The following FAM135A variants were observed in gnomAD, a reference collection of about 807,000 sequenced individuals.
FAM135A encodes the protein family with sequence similarity 135 member A.
Under a neutral mutation model 146.8 loss-of-function variants are expected in FAM135A, and 79 were observed. That is an observed-to-expected ratio of 0.54 (90% CI 0.45 to 0.65). The LOEUF (loss-of-function observed/expected upper bound fraction) is 0.65, where lower values mean the gene tolerates loss of function less well. Among genes scored for constraint, FAM135A ranks in the 30% least tolerant of loss-of-function variants. The probability of loss-of-function intolerance (pLI) is 0.00; values close to 1 mark genes in which losing one functional copy is unlikely to be tolerated. For missense variants in FAM135A, 1,623 were observed against 1,758.2 expected, an observed-to-expected ratio of 0.92 and a Z score of 1.38; for synonymous variants, 562 against 603.6, an observed-to-expected ratio of 0.93 and a Z score of 1.01.
intron 5 of FAM135A, among the ~76,000 whole-genome samples, chr6:70,474,968 A>G (rs1007029508): frequency 8.5e-5 from 13 of 152,164 alleles, no homozygotes; most frequent in Non-Finnish European, 1.8e-4. Flanking sequence ...ACTAGGGGCC[A>G]CCAAGGATTT....
chr6:70,541,813 A>G (rs1252505182), intron 20 of FAM135A, among the ~76,000 whole-genome samples: 2 of 152,170 alleles, frequency 1.3e-5, no homozygotes, highest in African/African-American at 2.4e-5. Context: ...TGGATTCCAC[A>G]TCTACTGGAA....
At chr6:70,553,799 T>C (rs1213391768) in intron 20 of FAM135A, among the ~76,000 whole-genome samples, 1 of 152,138 alleles carries the variant, frequency 6.6e-6, no homozygotes, top group Admixed American at 6.5e-5. Context: ...AAATTTATAA[T>C]GGAAGTCATG....
At position 70,477,231 on chromosome 6, in the gene FAM135A, C is replaced by A. The variant is rs2128163839; in HGVS notation, c.441C>A (p.Gly147=). 1.9e-6 allele frequency: 3 copies of A among 1,613,536 alleles called. No individual in the cohort carries two copies. Among genetic ancestry groups the A allele is most frequent in the Middle Eastern group, 1.7e-4 (1 of 6,058 alleles). ...TLKLHFSPHR[G]LHHHVNVMFD... ...AGCTGCACTTTAGCCCCCATAGAGG[C>A]CTTCATCATCATGTTAATGTTATGT... is the stretch of plus-strand genomic sequence containing the variant. Residue 147 remains glycine (G), a synonymous_variant, in exon 8 of 22, where the codon GGC becomes GGA. Transcript: ENST00000418814.
Position 70,525,768 on chromosome 6 carries a change from A to G in FAM135A, c.2684A>G (p.Gln895Arg). The change falls in exon 15 of 22, where the codon CAG (glutamine) becomes CGG (arginine). Residue 895 changes from glutamine to arginine, a missense_variant. Gln to Arg is a conservative substitution (Grantham distance 43). Around this residue, in one of 7 missense-constraint regions of FAM135A, gnomAD observed 1,061 missense variants for 1,113.8 expected, o/e 0.95. Transcript: ENST00000418814. ...AAGTCAAGTATCACTTTGCAACAGC[A>G]GAGTGTTGTATTTTCAGGGAACTTG... is the stretch of plus-strand genomic sequence containing the variant. ...TKKSSITLQQ[Q>R]SVVFSGNLDN... 1 of 1,613,462 alleles carries G rather than the reference A, an allele frequency of 6.2e-7. No individual in the cohort carries two copies. The highest frequency in any genetic ancestry group is 8.5e-7 in the Non-Finnish European group (1 of 1,179,636).
chr6:70,504,136 A>G (rs1050830098), intron 12 of FAM135A: 4 of 152,202 alleles, frequency 2.6e-5, no homozygotes, highest in African/African-American at 7.2e-5. Context: ...AACTCTTGAT[A>G]CTGGCAAGCT....
chr6:70,427,550 AATTAAT>A (rs1173893898), intron 3 of FAM135A, among the ~76,000 whole-genome samples: 1 of 152,070 alleles, frequency 6.6e-6, no homozygotes, highest in Admixed American at 6.5e-5. Context: ...AAAAAAAAAA[AATTAAT>A]ATTGTAAAAC....
chr6:70,525,090 G>A lies in FAM135A; in HGVS notation c.2006G>A (p.Gly669Glu), dbSNP rs1170300698. ...IKPSNKDPFS[G>E]ENITVKLGPW... Reference sequence around the variant, plus strand: ...CCCAGTAATAAAGATCCTTTCAGTGGAGAGAATATAACTGTCAAACTAGGA... The same window carrying A: ...CCCAGTAATAAAGATCCTTTCAGTGAAGAGAATATAACTGTCAAACTAGGA... Residue 669 changes from glycine (G) to glutamate (E), a missense_variant, in exon 15 of 22, where the codon GGA (glycine) becomes GAA (glutamate). Coordinates refer to ENST00000418814, the MANE Select transcript of FAM135A (RefSeq NM_001162529.3). The A allele has an allele frequency of 6.4e-7, 1 of 1,571,830 alleles. No homozygotes were observed. The highest frequency in any genetic ancestry group is 8.6e-7 in the Non-Finnish European group (1 of 1,165,160).
intron 8 of FAM135A, among the ~76,000 whole-genome samples, chr6:70,479,622 G>T (rs1474315489): frequency 1.3e-5 from 2 of 151,926 alleles, no homozygotes; most frequent in African/African-American, 4.8e-5. Context: ...TTGATAAAGG[G>T]GTCATGTCTA....
At chr6:70,547,917 C>T (rs1019187846) in intron 20 of FAM135A, among the ~76,000 whole-genome samples, 2 of 152,126 alleles carry the variant, frequency 1.3e-5, no homozygotes, top group South Asian at 4.1e-4. Flanking sequence ...TAAAGGTAAC[C>T]GTTCAACAAA....
intron 20 of FAM135A, among the ~76,000 whole-genome samples, chr6:70,554,409 G>A (rs1276626417): frequency 2.0e-5 from 3 of 152,204 alleles, no homozygotes; most frequent in Non-Finnish European, 4.4e-5. Context: ...TTTTAGCATT[G>A]TCTAGGTCAT....
intron 5 of FAM135A, among the ~76,000 whole-genome samples, chr6:70,464,288 G>A (rs1779952006): frequency 6.6e-6 from 1 of 152,190 alleles, no homozygotes; most frequent in Admixed American, 6.5e-5. Flanking sequence ...TGTGTTAGCA[G>A]ATAACTGATA....
intron 19 of FAM135A, among the ~76,000 whole-genome samples, chr6:70,536,699 AAC>A (rs1322611491): frequency 2.0e-5 from 3 of 152,040 alleles, no homozygotes; most frequent in Non-Finnish European, 4.4e-5. Flanking sequence ...TTATCTTATA[AAC>A]AGTTTTGTCA....
intron 12 of FAM135A, among the ~76,000 whole-genome samples, chr6:70,508,635 A>C (rs1029061385): frequency 7.9e-5 from 12 of 152,170 alleles, no homozygotes; most frequent in African/African-American, 2.7e-4. Flanking sequence ...AGTCAGACAA[A>C]GTAACAGTTG....
chr6:70,486,558 TG>T (rs1250994203), intron 10 of FAM135A, among the ~76,000 whole-genome samples: 5 of 152,230 alleles, frequency 3.3e-5, no homozygotes, highest in African/African-American at 1.2e-4. Flanking sequence ...TACAATTTGT[TG>T]GTTTAATGAC....
chr6:70,430,249 A>G (rs1339785880), intron 4 of FAM135A, among the ~76,000 whole-genome samples: 1 of 152,026 alleles, frequency 6.6e-6, no homozygotes, highest in African/African-American at 2.4e-5. Context: ...AGGCAGAAGA[A>G]TTGCTTGAAC....
chr6:70,558,404 A>G (rs1445459217), intron 21 of FAM135A, among the ~76,000 whole-genome samples: 1 of 152,252 alleles, frequency 6.6e-6, no homozygotes, highest in Non-Finnish European at 1.5e-5. Flanking sequence ...ATGCATAAGC[A>G]TTGTAAACAA....
Position 70,547,473 on chromosome 6 carries a change from A to G in FAM135A, c.4228+9072A>G, listed in dbSNP as rs572122403. Among the ~76,000 whole-genome samples, 10 of 152,304 alleles carry G rather than the reference A, an allele frequency of 6.6e-5. No individual in the cohort carries two copies. In the East Asian group the frequency reaches 1.9e-3, roughly 29 times the overall value. On this transcript the variant is annotated intron_variant, in intron 20 of 21. Coordinates refer to ENST00000418814, the MANE Select transcript of FAM135A (RefSeq NM_001162529.3). The stretch of plus-strand genomic sequence containing the variant: ...TTTGTTTTCAGGGGTTGTCTTGAAC[A>G]TTGTAGCATGTTTAGCAGTATCTCT...
chr6:70,527,872 C>A (rs1475101864), intron 15 of FAM135A, among the ~76,000 whole-genome samples: 1 of 152,102 alleles, frequency 6.6e-6, no homozygotes, highest in Non-Finnish European at 1.5e-5. Context: ...GTAAATCACT[C>A]CTTCCCTTCC....
chr6:70,528,389 G>A lies in FAM135A; in HGVS notation c.3712G>A (p.Val1238Ile), dbSNP rs777577366. 43 of 1,613,554 alleles carry A rather than the reference G, an allele frequency of 2.7e-5. No homozygotes were observed. The highest frequency in any genetic ancestry group is 3.4e-5 in the Non-Finnish European group (40 of 1,179,788). The change falls in exon 16 of 22, where the codon GTA (valine) becomes ATA (isoleucine). Residue 1238 changes from valine to isoleucine, a missense_variant. Val to Ile is a conservative substitution (Grantham distance 29). Coordinates refer to ENST00000418814, the MANE Select transcript of FAM135A (RefSeq NM_001162529.3). The stretch of plus-strand genomic sequence containing the variant: ...GGCATCCTCAGTACCTTATTTTAGT[G>A]TAGAAGAAGAGGATGGTTCTGAAGA... ...LLASSVPYFS[V>I]EEEDGSEDGV...
Sources: gnomAD v4.1 joint callset for allele counts (sites outside exome capture counted in the v4.1 genomes callset) on GRCh38, gnomAD v4.1.1 for gene constraint, gnomAD v4.1.1 regional missense constraint, MANE v1.5 for transcripts, NCBI Gene and HGNC (gene_info 2026-07-23, HGNC 2026-07-21) for gene names.